The following NUP98 variants were observed in gnomAD, a reference collection of about 807,000 sequenced individuals.
The protein encoded by NUP98 is nuclear pore complex protein Nup98-Nup96.
NUP98 carries 26 observed loss-of-function variants against 191.9 expected under a neutral mutation model. The observed-to-expected ratio is 0.14, with a 90% CI of 0.10 to 0.19. The LOEUF is 0.19. Among genes scored for constraint, NUP98 ranks in the 10% least tolerant of loss-of-function variants. The pLI is 1.00. For missense variants in NUP98, 1,941 were observed against 2,178.8 expected (o/e 0.89, Z 2.17); for synonymous variants, 808 against 778.4 (o/e 1.04, Z -0.63).
At chr11:3,715,544 C>T (rs1204868468) in intron 18 of NUP98, among the ~76,000 whole-genome samples, 2 of 151,926 alleles carry the variant, frequency 1.3e-5, no homozygotes, top group Non-Finnish European at 2.9e-5. Context: ...ACTCCTTGGT[C>T]ATTTGTATAT....
intron 4 of NUP98, among the ~76,000 whole-genome samples, chr11:3,777,346 G>A (rs1410075750): frequency 6.6e-6 from 1 of 152,212 alleles, no homozygotes; most frequent in Non-Finnish European, 1.5e-5. Context: ...AGTTATGCCA[G>A]GTGCGGTGGC....
rs771210156 is a variant in NUP98 at position 3,683,423 on chromosome 11, A to G, written c.4695T>C (p.Val1565=). ...GGCAGTGCCGGGTAAGCAGCTCTCG[A>G]ACAGCCTTCTCACGTATGCTACAGG... The part of the protein sequence containing the change: ...IDNSGIREKA[V]RELLTRHCQL... The change falls in exon 30 of 33, where the codon GTT becomes GTC. Residue 1565 remains valine (V), a synonymous_variant. Coordinates refer to ENST00000324932, the MANE Select transcript of NUP98 (RefSeq NM_016320.5). 6.2e-7 allele frequency: 1 copy of G among 1,614,182 alleles called. No individual in the cohort carries two copies.
rs1441068752 is a variant in NUP98, at chr11:3,731,458, T to C, written c.1663A>G (p.Lys555Glu). 1 of 1,608,340 alleles carries C rather than the reference T, an allele frequency of 6.2e-7. No individual in the cohort carries two copies. Among genetic ancestry groups the C allele is most frequent in the Non-Finnish European group, 8.5e-7 (1 of 1,177,102 alleles). Reference sequence around the variant, plus strand: ...TCCAGCCCATCAAAGAGATGTGACTTGGCTGTGCCTGTTGTTTGTAAAGCC... The same window carrying C: ...TCCAGCCCATCAAAGAGATGTGACTCGGCTGTGCCTGTTGTTTGTAAAGCC... ...PKALQTTGTAKSHLFDGLDDD... is the reference protein window; with the variant it reads ...PKALQTTGTAESHLFDGLDDD... Residue 555 changes from lysine to glutamate, a missense_variant, in exon 14 of 33, where the codon AAG (lysine) becomes GAG (glutamate). By Grantham distance (56) the Lys-to-Glu change is moderately conservative. Transcript: ENST00000324932.
chr11:3,731,453 T>G lies in NUP98; in HGVS notation c.1668A>C (p.Ser556=), dbSNP rs890828676. Reference sequence around the variant, plus strand: ...CGTCATCCAGCCCATCAAAGAGATGTGACTTGGCTGTGCCTGTTGTTTGTA... The same window carrying G: ...CGTCATCCAGCCCATCAAAGAGATGGGACTTGGCTGTGCCTGTTGTTTGTA... The part of the protein sequence containing the change: ...KALQTTGTAK[S]HLFDGLDDDE... The change falls in exon 14 of 33, where the codon TCA becomes TCC. Residue 556 remains serine, a synonymous_variant. Coordinates refer to ENST00000324932, the MANE Select transcript of NUP98 (RefSeq NM_016320.5). 5 of 1,607,904 alleles carry G rather than the reference T, an allele frequency of 3.1e-6. No homozygotes were observed. In the African/African-American group the frequency reaches 6.7e-5, roughly 21 times the overall value.
At chr11:3,719,050 T>G (rs1198993534) in intron 18 of NUP98, among the ~76,000 whole-genome samples, 1 of 149,066 alleles carries the variant, frequency 6.7e-6, no homozygotes, top group Non-Finnish European at 1.5e-5. Flanking sequence ...AACCCGGGAG[T>G]CGGAGGTTGC....
chr11:3,737,340 A>G (rs1357786144), intron 12 of NUP98, among the ~76,000 whole-genome samples: 1 of 150,460 alleles, frequency 6.6e-6, no homozygotes, highest in African/African-American at 2.4e-5. Context: ...AAAAAAAAAA[A>G]AGAGGCTGGG....
intron 21 of NUP98, among the ~76,000 whole-genome samples, chr11:3,706,086 T>G (rs1250781219): frequency 6.6e-6 from 1 of 151,600 alleles, no homozygotes; most frequent in South Asian, 2.1e-4. Flanking sequence ...GGGGAATCAC[T>G]TGAACCCAGG....
At chr11:3,772,677 T>G (rs920185804) in intron 6 of NUP98, among the ~76,000 whole-genome samples, 1 of 152,070 alleles carries the variant, frequency 6.6e-6, no homozygotes, top group African/African-American at 2.4e-5. Context: ...TAGCTGGGCA[T>G]AGTGGCGTGC....
At chr11:3,744,101 A>G (rs1389068526) in intron 12 of NUP98, among the ~76,000 whole-genome samples, 1 of 152,188 alleles carries the variant, frequency 6.6e-6, no homozygotes, top group Non-Finnish European at 1.5e-5. Context: ...GATAAAACTA[A>G]ATTTAGGAAA....
chr11:3,724,654 A>ATGG (rs2079543370), intron 15 of NUP98, among the ~76,000 whole-genome samples: 2 of 150,740 alleles, frequency 1.3e-5, no homozygotes, highest in South Asian at 4.2e-4. Flanking sequence ...TTAATCAGGC[A>ATGG]TGGTGGCGGG....
At position 3,675,501 on chromosome 11, in the gene NUP98, A is replaced by G; in HGVS notation, c.*658T>C. ...CACATGTGACCAAGGGTTCCTGCAC[A>G]TAGTAGTAGCAAAGGTATGGTGTTC... is the stretch of plus-strand genomic sequence containing the variant. On this transcript the variant is annotated 3_prime_UTR_variant, in exon 33 of 33. Transcript: ENST00000324932. 4.3e-6 allele frequency: 1 copy of G among 230,352 alleles called. No homozygotes were observed. The highest frequency in any genetic ancestry group is 6.3e-5 in the East Asian group (1 of 16,000). The allele number at this position is 230,352 out of a possible 1,614,324, so 14.3% of individuals were successfully genotyped here.
At chr11:3,719,602 CTACTT>C (rs1233810541) in intron 17 of NUP98, 52 bp from the exon 18 acceptor site, 5 of 1,325,454 alleles carry the variant, frequency 3.8e-6, no homozygotes, top group South Asian at 3.1e-5. Flanking sequence ...AGGCAAATAC[CTACTT>C]TACAACTATA....
At chr11:3,717,922 A>G (rs989418116) in intron 18 of NUP98, among the ~76,000 whole-genome samples, 1 of 152,228 alleles carries the variant, frequency 6.6e-6, no homozygotes, top group Non-Finnish European at 1.5e-5. Context: ...GCATTCCAGA[A>G]TAAATCTTTT....
chr11:3,714,955 T>C (rs768405822), intron 18 of NUP98: 2 of 152,206 alleles, frequency 1.3e-5, no homozygotes, highest in Non-Finnish European at 2.9e-5. Context: ...GCTATGAACA[T>C]GGGTATACAA....
Position 3,732,319 on chromosome 11 carries a change from A to G in NUP98, c.1543-741T>C, listed in dbSNP as rs182166878. Among the ~76,000 whole-genome samples, 11 of 152,364 alleles carry G rather than the reference A, an allele frequency of 7.2e-5. No individual in the cohort carries two copies. The East Asian group carries it at 1.2e-3, about 16-fold the overall frequency. ...AAATGTACTAACACAACATATTAAT[A>G]TATCTTGTCCATTCTCTTCATCCTA... On this transcript the variant is annotated intron_variant, in intron 13 of 32. Coordinates refer to ENST00000324932, the MANE Select transcript of NUP98 (RefSeq NM_016320.5).
chr11:3,699,458 A>T, intron 24 of NUP98, 110 bp from the exon 25 acceptor site: 1 of 1,195,858 alleles, frequency 8.4e-7, no homozygotes, highest in East Asian at 2.4e-5. Flanking sequence ...TAGACATCTC[A>T]AACAACCACT....
intron 1 of NUP98, among the ~76,000 whole-genome samples, chr11:3,784,352 T>C (rs1457232204): frequency 1.3e-5 from 2 of 152,168 alleles, no homozygotes; most frequent in African/African-American, 2.4e-5. Context: ...TTAAGTTCTT[T>C]ATCTCAATAT....
chr11:3,774,351 G>A (rs2081633955), intron 5 of NUP98, among the ~76,000 whole-genome samples: 1 of 152,220 alleles, frequency 6.6e-6, no homozygotes. Context: ...AGCGGAGGTT[G>A]CAGTGAGCCA....
intron 21 of NUP98, 56 bp from the exon 22 acceptor site, chr11:3,705,412 C>CAA: frequency 6.6e-7 from 1 of 1,525,818 alleles, no homozygotes; most frequent in Non-Finnish European, 8.9e-7. Flanking sequence ...AAGGCCATAC[C>CAA]AAAAAAAAAT....
Sources: gnomAD v4.1 joint callset for allele counts (sites outside exome capture counted in the v4.1 genomes callset) on GRCh38, gnomAD v4.1.1 for gene constraint, MANE v1.5 for transcripts, NCBI Gene and HGNC (gene_info 2026-07-23, HGNC 2026-07-21) for gene names.